The following PFDN4 variants were observed in gnomAD, a reference collection of about 807,000 sequenced individuals.
PFDN4 encodes prefoldin subunit 4.
Under a neutral mutation model 17.6 loss-of-function variants are expected in PFDN4, and 6 were observed. The observed-to-expected ratio is 0.34, with a 90% CI of 0.19 to 0.67. The LOEUF is 0.67. PFDN4 is among the 30% of genes least tolerant of loss of function. PFDN4 has a pLI of 0.68. For missense variants in PFDN4, 119 were observed against 158.4 expected, an observed-to-expected ratio of 0.75 and a Z score of 1.33; for synonymous variants, 48 against 51.1, an observed-to-expected ratio of 0.94 and a Z score of 0.26.
chr20:54,218,811 A>G (rs2092766050), intron 3 of PFDN4, among the ~76,000 whole-genome samples: 1 of 152,226 alleles, frequency 6.6e-6, no homozygotes, highest in Non-Finnish European at 1.5e-5. Context: ...GAGAAAACAA[A>G]CTTGATTTAT....
chr20:54,218,589 G>A (rs1024275212), intron 3 of PFDN4, among the ~76,000 whole-genome samples: 1 of 152,248 alleles, frequency 6.6e-6, no homozygotes, highest in East Asian at 1.9e-4. Context: ...GCCAGATTTG[G>A]ATCATAAGTT....
chr20:54,215,500 TA>T, intron 3 of PFDN4, 60 bp downstream of exon 3: 1 of 1,106,868 alleles, frequency 9.0e-7, no homozygotes, highest in Non-Finnish European at 1.3e-6. Flanking sequence ...CATGTAATTA[TA>T]GATGTAGGGA....
At chr20:54,216,644 T>TTTTATTTA (rs556892830) in intron 3 of PFDN4, among the ~76,000 whole-genome samples, 11 of 151,940 alleles carry the variant, frequency 7.2e-5, no homozygotes, top group African/African-American at 2.4e-4. Flanking sequence ...TTTTATTTTA[T>TTTTATTTA]TTTATTTATT....
intron 1 of PFDN4, among the ~76,000 whole-genome samples, chr20:54,213,557 A>G (rs1403313137): frequency 1.3e-5 from 2 of 152,184 alleles, no homozygotes; most frequent in East Asian, 1.9e-4. Flanking sequence ...CATATTATAT[A>G]AAGTGTACCT....
chr20:54,208,187 G>C, intron 1 of PFDN4, 63 bp downstream of exon 1: 1 of 1,446,778 alleles, frequency 6.9e-7, no homozygotes, highest in Non-Finnish European at 9.2e-7. Flanking sequence ...GCTGGGGCCC[G>C]GGCGCGGGAT....
intron 1 of PFDN4, among the ~76,000 whole-genome samples, chr20:54,210,800 C>G (rs1240474538): frequency 6.6e-6 from 1 of 152,202 alleles, no homozygotes; most frequent in Non-Finnish European, 1.5e-5. Context: ...TTTTTGCTCT[C>G]TTCCTCCACC....
chr20:54,208,350 C>A (rs942631472), intron 1 of PFDN4: 2 of 438,170 alleles, frequency 4.6e-6, no homozygotes, highest in East Asian at 7.6e-5. Context: ...GGGCTGGGGC[C>A]GGGAGCCTCG....
chr20:54,217,307 C>A (rs6023042), intron 3 of PFDN4, among the ~76,000 whole-genome samples: 1 of 151,902 alleles, frequency 6.6e-6, no homozygotes, highest in African/African-American at 2.4e-5. Flanking sequence ...GGGTTCTAGT[C>A]GTGAGAAGCA....
At position 54,215,370 on chromosome 20, in the gene PFDN4, C is replaced by A; in HGVS notation, c.203C>A (p.Pro68His). 1 of 1,603,746 alleles carries A rather than the reference C, an allele frequency of 6.2e-7. No individual in the cohort carries two copies. The highest frequency in any genetic ancestry group is 1.1e-5 in the South Asian group (1 of 89,314). Residue 68 changes from proline to histidine, a missense_variant, in exon 3 of 4, where the codon CCT (proline) becomes CAT (histidine). Around this residue, in one of 3 missense-constraint regions of PFDN4, gnomAD observed 81 missense variants for 111.7 expected, o/e 0.73. Coordinates refer to ENST00000371419, the MANE Select transcript of PFDN4 (RefSeq NM_002623.4). ...GCAGATGATGATTGCTTAATGATAC[C>A]TTATCAAATTGGTGATGTCTTCATT... ...MLADDDCLMI[P>H]YQIGDVFISH...
At position 54,213,384 on chromosome 20, in the gene PFDN4, G is replaced by C. The variant is rs936649983; in HGVS notation, c.25-967G>C. On this transcript the variant is annotated intron_variant, in intron 1 of 3. Transcript: ENST00000371419. ...AGCAGACATCCTGCTGCCTCTTCCA[G>C]ATGTGCCTAAGCCTGTGTACACACT... Among the ~76,000 whole-genome samples, 5 of 152,198 alleles carry C rather than the reference G, an allele frequency of 3.3e-5. 1 individual carries two copies.
chr20:54,215,228 C>T, intron 2 of PFDN4, 72 bp from the exon 3 acceptor site: 4 of 1,141,368 alleles, frequency 3.5e-6, no homozygotes, highest in East Asian at 2.4e-5. Context: ...TTGCTGTCCC[C>T]AAATTACAAT....
intron 1 of PFDN4, among the ~76,000 whole-genome samples, chr20:54,213,690 A>AT (rs982027413): frequency 6.6e-5 from 10 of 152,162 alleles, no homozygotes; most frequent in Admixed American, 2.6e-4. Context: ...AGTGTTAGCT[A>AT]TTTTTTTATT....
rs559875503 is a variant in PFDN4, at chr20:54,208,675, A to T, written c.24+551A>T. 113 of 152,798 alleles carry T rather than the reference A, an allele frequency of 7.4e-4. 1 individual carries two copies. The highest frequency in any genetic ancestry group is 1.2e-3 in the Non-Finnish European group (85 of 68,376). The allele number at this position is 152,798 out of a possible 1,614,324, so 9.5% of individuals were successfully genotyped here. A position where few individuals can be genotyped will look rare whatever the true frequency, so the allele number is the denominator to read the frequency against. Reference sequence around the variant, plus strand: ...GCAGGCCCCAGAGACCCTGTGTCCAACCTGGAGCTGCCCATTTCCACGCTT... The same window carrying T: ...GCAGGCCCCAGAGACCCTGTGTCCATCCTGGAGCTGCCCATTTCCACGCTT... On this transcript the variant is annotated intron_variant, in intron 1 of 3. Coordinates refer to ENST00000371419, the MANE Select transcript of PFDN4 (RefSeq NM_002623.4).
intron 1 of PFDN4, among the ~76,000 whole-genome samples, chr20:54,211,663 T>TA (rs1416983069): frequency 6.6e-6 from 1 of 152,192 alleles, no homozygotes; most frequent in Non-Finnish European, 1.5e-5. Context: ...CTGCCTCAGA[T>TA]ACTATAGGAT....
chr20:54,213,408 C>T (rs2092758553), intron 1 of PFDN4, among the ~76,000 whole-genome samples: 1 of 151,810 alleles, frequency 6.6e-6, no homozygotes, highest in South Asian at 2.1e-4. Flanking sequence ...TGTGTACACA[C>T]TCACACACAC....
chr20:54,214,302 T>G, intron 1 of PFDN4, 49 bp from the exon 2 acceptor site: 1 of 951,192 alleles, frequency 1.1e-6, no homozygotes. Flanking sequence ...AAAAGCTAAC[T>G]GATAACTTCT....
chr20:54,213,182 TAGTGTTTCAGTATGAA>T (rs2092758255), intron 1 of PFDN4, among the ~76,000 whole-genome samples: 1 of 152,234 alleles, frequency 6.6e-6, no homozygotes, highest in Non-Finnish European at 1.5e-5. Context: ...GAGCCAAAAG[TAGTGTTTCAGTATGAA>T]CTATTTTTAT....
At chr20:54,218,699 C>G (rs1393209944) in intron 3 of PFDN4, among the ~76,000 whole-genome samples, 1 of 152,178 alleles carries the variant, frequency 6.6e-6, no homozygotes, top group East Asian at 1.9e-4. Flanking sequence ...TAGAAGCCAG[C>G]AGGCCCAGGA....
At chr20:54,210,401 G>T (rs947462266) in intron 1 of PFDN4, among the ~76,000 whole-genome samples, 9 of 152,186 alleles carry the variant, frequency 5.9e-5, no homozygotes, top group African/African-American at 2.2e-4. Context: ...ATATGTGTAT[G>T]CCAGTGAGTG....
Sources: allele counts gnomAD v4.1 joint callset (sites outside exome capture counted in the v4.1 genomes callset), GRCh38; gene constraint gnomAD v4.1.1; regional missense constraint gnomAD v4.1.1; transcripts MANE v1.5; gene names NCBI Gene and HGNC (gene_info 2026-07-23, HGNC 2026-07-21).